WNT9B: variants seen among roughly 807,000 people sequenced by gnomAD.
The protein encoded by WNT9B is protein Wnt-9b.
A neutral mutation model predicts 30.2 loss-of-function variants in WNT9B; 12 were observed. That is an observed-to-expected ratio of 0.40 (90% CI 0.26 to 0.64). The LOEUF (loss-of-function observed/expected upper bound fraction) is 0.64, where lower values mean the gene tolerates loss of function less well. Ranked by LOEUF, WNT9B falls within the 30% of genes least tolerant of loss-of-function variation. The pLI, the probability that WNT9B is intolerant of heterozygous loss-of-function variation, is 0.42. For synonymous variants in WNT9B, 218 were observed against 216.9 expected (o/e 1.01, Z -0.05); for missense variants, 442 against 485.2 (o/e 0.91, Z 0.84).
chr17:46,859,865 C>T (rs180986852), intron 1 of WNT9B, among the ~76,000 whole-genome samples: 23 of 152,266 alleles, frequency 1.5e-4, no homozygotes, highest in Admixed American at 1.4e-3. Context: ...TAATTTCTCT[C>T]AGCAGTGTTT....
At chr17:46,881,086 A>G (rs1200244212), downstream of WNT9B, among the ~76,000 whole-genome samples, 1 of 152,200 alleles carries the variant, frequency 6.6e-6, no homozygotes, top group Non-Finnish European at 1.5e-5. Flanking sequence ...CTCGCCCACC[A>G]GGATCCTCCT....
chr17:46,843,196 A>G (rs1395872481), intron 1 of WNT9B, among the ~76,000 whole-genome samples: 1 of 152,258 alleles, frequency 6.6e-6, no homozygotes, highest in Non-Finnish European at 1.5e-5. Flanking sequence ...ATATTTCAGA[A>G]TCAACAACAG....
chr17:46,834,188 C>T (rs1196178807), intron 1 of WNT9B, among the ~76,000 whole-genome samples: 1 of 152,096 alleles, frequency 6.6e-6, no homozygotes, highest in Admixed American at 6.6e-5. Flanking sequence ...GAGTGAGACC[C>T]TGTTTCAAAA....
At chr17:46,853,334 T>A (rs1347822015) in intron 1 of WNT9B, among the ~76,000 whole-genome samples, 2 of 149,996 alleles carry the variant, frequency 1.3e-5, no homozygotes, top group Non-Finnish European at 3.0e-5. Context: ...GTGTCTAGCA[T>A]GCAGTAAGTG....
At chr17:46,848,134 C>T (rs2084798779), upstream of WNT9B, among the ~76,000 whole-genome samples, 1 of 152,022 alleles carries the variant, frequency 6.6e-6, no homozygotes, top group Non-Finnish European at 1.5e-5. Flanking sequence ...ACGTGTGGAC[C>T]CAGGACCAGC....
At chr17:46,848,416 CAG>C (rs1443012117), upstream of WNT9B, among the ~76,000 whole-genome samples, 1 of 152,220 alleles carries the variant, frequency 6.6e-6, no homozygotes, top group Non-Finnish European at 1.5e-5. Context: ...TCTGGAGACA[CAG>C]AGAGAAGTGA....
chr17:46,884,214 G>T (rs964240149), downstream of WNT9B, among the ~76,000 whole-genome samples: 8 of 152,306 alleles, frequency 5.3e-5, no homozygotes, highest in African/African-American at 1.9e-4. Flanking sequence ...CTGTCTTCAT[G>T]CAGCCAGCCC....
intron 1 of WNT9B, 118 bp from the exon 2 acceptor site, chr17:46,872,399 G>A: frequency 7.4e-7 from 1 of 1,360,164 alleles, no homozygotes; most frequent in Non-Finnish European, 9.5e-7. Context: ...ACCTCCAGCG[G>A]GTCAGCCTGC....
At chr17:46,865,450 G>A (rs370217011) in intron 1 of WNT9B, among the ~76,000 whole-genome samples, 18 of 152,278 alleles carry the variant, frequency 1.2e-4, no homozygotes, top group Admixed American at 6.5e-4. Context: ...CTCCAGCGGG[G>A]AAGTGTGGCC....
At chr17:46,833,962 G>A (rs575089053) in intron 1 of WNT9B, among the ~76,000 whole-genome samples, 105 of 152,230 alleles carry the variant, frequency 6.9e-4, no homozygotes, top group African/African-American at 2.4e-3. Flanking sequence ...TTGGGAGTCT[G>A]AGGCAGGAGG....
intron 1 of WNT9B, among the ~76,000 whole-genome samples, chr17:46,863,162 C>T (rs769813091): frequency 5.3e-5 from 8 of 152,192 alleles, no homozygotes; most frequent in Non-Finnish European, 1.0e-4. Context: ...CTCCCAAAGC[C>T]CGCCCAGCCC....
At chr17:46,857,574 G>A (rs201403745) in intron 1 of WNT9B, among the ~76,000 whole-genome samples, 1 of 152,074 alleles carries the variant, frequency 6.6e-6, no homozygotes, top group East Asian at 1.9e-4. Flanking sequence ...CTTTTTGTGG[G>A]TGTATGTTTT....
chr17:46,876,052 G>A (rs181641540), intron 3 of WNT9B, among the ~76,000 whole-genome samples, 193 bp from the exon 4 acceptor site: 2 of 152,316 alleles, frequency 1.3e-5, no homozygotes, highest in Admixed American at 1.3e-4. Flanking sequence ...GGTGTGAACT[G>A]GGACTGCTGT....
At chr17:46,862,648 T>C (rs1203607298) in intron 1 of WNT9B, among the ~76,000 whole-genome samples, 1 of 152,126 alleles carries the variant, frequency 6.6e-6, no homozygotes, top group East Asian at 1.9e-4. Context: ...AGTGGCAGGA[T>C]CTTAGCTCAC....
intron 1 of WNT9B, among the ~76,000 whole-genome samples, chr17:46,861,722 G>C (rs1011624454): frequency 6.6e-6 from 1 of 152,214 alleles, no homozygotes; most frequent in Non-Finnish European, 1.5e-5. Context: ...AAGAGTCTTA[G>C]AGCCAGAAAG....
intron 1 of WNT9B, among the ~76,000 whole-genome samples, chr17:46,862,095 G>A (rs776560396): frequency 2.6e-5 from 4 of 151,212 alleles, no homozygotes; most frequent in Middle Eastern, 3.4e-3. Flanking sequence ...CCTGGGAGGC[G>A]GAGTTTGCAG....
At chr17:46,840,985 A>AT (rs2084706308) in intron 1 of WNT9B, among the ~76,000 whole-genome samples, 1 of 152,176 alleles carries the variant, frequency 6.6e-6, no homozygotes, top group Non-Finnish European at 1.5e-5. Flanking sequence ...TTCCAACTGC[A>AT]TTCTCCTTTC....
chr17:46,858,945 G>A (rs1598846021), intron 1 of WNT9B, among the ~76,000 whole-genome samples: 1 of 151,422 alleles, frequency 6.6e-6, no homozygotes, highest in Non-Finnish European at 1.5e-5. Flanking sequence ...GGGATTATTG[G>A]CATGAGCCAC....
At chr17:46,846,856 G>A (rs1223550977), upstream of WNT9B, among the ~76,000 whole-genome samples, 2 of 152,218 alleles carry the variant, frequency 1.3e-5, no homozygotes, top group Non-Finnish European at 2.9e-5. Flanking sequence ...GGTGAGCTCT[G>A]CCAGCTCTGG....
Sources: allele counts gnomAD v4.1 joint callset (sites outside exome capture counted in the v4.1 genomes callset), GRCh38; gene constraint gnomAD v4.1.1; transcripts MANE v1.5; gene names NCBI Gene and HGNC (gene_info 2026-07-23, HGNC 2026-07-21).